CHFR: variants seen among roughly 807,000 people sequenced by gnomAD.
CHFR encodes the protein checkpoint with forkhead and ring finger domains.
In CHFR, 57 loss-of-function variants were observed where a neutral mutation model predicts 87.6. The ratio of observed to expected loss-of-function variants is 0.65; its 90% confidence interval spans 0.53 to 0.81. CHFR has a LOEUF of 0.81. Ranked by LOEUF, CHFR falls within the 30% of genes least tolerant of loss-of-function variation. CHFR has a pLI of 0.00. For synonymous variants in CHFR, 381 were observed against 359.2 expected (o/e 1.06, Z -0.69); for missense variants, 797 against 865.8 (o/e 0.92, Z 1.00).
At chr12:132,876,589 A>G (rs1477369488) in intron 3 of CHFR, among the ~76,000 whole-genome samples, 1 of 152,222 alleles carries the variant, frequency 6.6e-6, no homozygotes, top group Non-Finnish European at 1.5e-5. Flanking sequence ...TTTGAGGGAA[A>G]GAAATCAAAC....
chr12:132,862,094 GAAACCCCATCTCT>G (rs1482954922), intron 6 of CHFR, among the ~76,000 whole-genome samples: 2 of 151,800 alleles, frequency 1.3e-5, no homozygotes, highest in Admixed American at 1.3e-4. Context: ...CCAACATGGT[GAAACCCCATCTCT>G]ACTAAAAATA....
At position 132,832,362 on chromosome 12, in the gene CHFR, A is replaced by AAAT. The variant is rs1406677966; in HGVS notation, c.*9189_*9191dup. The AAAT allele has an allele frequency of 6.6e-6, 1 of 152,202 alleles. No individual in the cohort carries two copies. The highest frequency in any genetic ancestry group is 6.5e-5 in the Admixed American group (1 of 15,272). The allele number at this position is 152,202 out of a possible 1,614,324, so 9.4% of individuals were successfully genotyped here. ...TATCCTAAGGTGTAGCCAATGGGAGAAATAGGGAAAACATTTAATTAGCAT... is the reference window on the plus strand; with the variant it reads ...TATCCTAAGGTGTAGCCAATGGGAGAAATAATAGGGAAAACATTTAATTAGCAT... On this transcript the variant is annotated 3_prime_UTR_variant, in exon 18 of 18. Transcript: ENST00000450056.
At chr12:132,884,124 A>G (rs964633169) in intron 2 of CHFR, among the ~76,000 whole-genome samples, 2 of 151,972 alleles carry the variant, frequency 1.3e-5, no homozygotes, top group Non-Finnish European at 1.5e-5. Flanking sequence ...CGTCTCAAAA[A>G]ATAAATATAT....
chr12:132,840,230 G>T lies in CHFR; in HGVS notation c.*1324C>A, dbSNP rs1950685209. 1 of 152,378 alleles carries T rather than the reference G, an allele frequency of 6.6e-6. No homozygotes were observed. Among genetic ancestry groups the T allele is most frequent in the Non-Finnish European group, 1.5e-5 (1 of 68,104 alleles). The allele number at this position is 152,378 out of a possible 1,614,324, so 9.4% of individuals were successfully genotyped here. A position where few individuals can be genotyped will look rare whatever the true frequency, so the allele number is the denominator to read the frequency against. ...GCAGGTTTCACAGGAGTCACTGAGGGACAGCAGGTGACAGAGTGACCATCA... is the reference window on the plus strand; with the variant it reads ...GCAGGTTTCACAGGAGTCACTGAGGTACAGCAGGTGACAGAGTGACCATCA... On this transcript the variant is annotated 3_prime_UTR_variant, in exon 18 of 18. Coordinates refer to ENST00000450056, the MANE Select transcript of CHFR (RefSeq NM_001161346.2).
chr12:132,877,701 G>A, intron 2 of CHFR, 47 bp from the exon 3 acceptor site: 2 of 1,255,234 alleles, frequency 1.6e-6, no homozygotes, highest in South Asian at 1.3e-5. Flanking sequence ...CGTGGTAACT[G>A]TGAACACTAC....
chr12:132,859,140 G>A lies in CHFR; in HGVS notation c.839C>T (p.Ala280Val). 6.2e-7 allele frequency: 1 copy of A among 1,614,100 alleles called. No individual in the cohort carries two copies. The highest frequency in any genetic ancestry group is 8.5e-7 in the Non-Finnish European group (1 of 1,179,986). Reference protein sequence around the residue: ...QTVHEDVRAAAGKPDKMEETL... With the variant: ...QTVHEDVRAAVGKPDKMEETL... ...CTCCTCCATCTTGTCTGGCTTCCCA[G>A]CCGCTGCTCTGACGTCCTCGTGGAC... Residue 280 changes from alanine (A) to valine (V), a missense_variant, in exon 8 of 18, where the codon GCT (alanine) becomes GTT (valine). Transcript: ENST00000450056.
chr12:132,851,010 A>AGACAGGAT (rs1950931918), intron 12 of CHFR, among the ~76,000 whole-genome samples: 1 of 143,966 alleles, frequency 6.9e-6, no homozygotes, highest in African/African-American at 2.7e-5. Flanking sequence ...TTTTGTTTTG[A>AGACAGGAT]GACAGGATTT....
chr12:132,872,478 G>A (rs1218067423), intron 3 of CHFR, 84 bp from the exon 4 acceptor site: 3 of 865,664 alleles, frequency 3.5e-6, no homozygotes, highest in Admixed American at 1.9e-5. Context: ...TTAGCAAGCA[G>A]CTCGATATGA....
In CHFR at chr12:132,861,542, T is replaced by G. The variant is rs201727566; in HGVS notation, c.676A>C (p.Lys226Gln). The change falls in exon 7 of 18, where the codon AAG becomes CAG. Residue 226 changes from lysine to glutamine, a missense_variant. Physicochemically the swap from Lys to Gln is moderately conservative, Grantham distance 53. This residue lies in a region of CHFR where 597 missense variants were observed against 601.2 expected (regional missense o/e 0.99). Coordinates refer to ENST00000450056, the MANE Select transcript of CHFR (RefSeq NM_001161346.2). ...TCCAACGACGAAAAGGACGCAGTCT[T>G]TCTGTCTGGGAGAGCTGAGGCAAAG... ...SSFASALPDR[K>Q]TASFSSLEPQ... 1.9e-6 allele frequency: 3 copies of G among 1,614,216 alleles called. No homozygotes were observed. Among genetic ancestry groups the G allele is most frequent in the East Asian group, 2.2e-5 (1 of 44,882 alleles).
chr12:132,853,384 C>T (rs865808693), intron 11 of CHFR, 47 bp downstream of exon 11: 4 of 1,451,016 alleles, frequency 2.8e-6, no homozygotes, highest in Non-Finnish European at 3.6e-6. Flanking sequence ...GGCACAGCCA[C>T]AAAGTGACTC....
chr12:132,866,519 G>A (rs561632913), intron 6 of CHFR: 2 of 151,472 alleles, frequency 1.3e-5, no homozygotes, highest in East Asian at 3.9e-4. Context: ...ACAACACACT[G>A]GAATGTTACA....
intron 13 of CHFR, chr12:132,848,357 C>T (rs1593452388): frequency 2.0e-6 from 2 of 984,982 alleles, no homozygotes; most frequent in African/African-American, 1.6e-5. Flanking sequence ...ATCAGCTCTC[C>T]GAGTCTCCCC....
intron 15 of CHFR, among the ~76,000 whole-genome samples, chr12:132,846,263 CTTTT>C (rs10573381): frequency 3.1e-5 from 4 of 127,862 alleles, no homozygotes; most frequent in Admixed American, 1.7e-4. Context: ...GCTTAACTGT[CTTTT>C]TTTTTTTTTT....
intron 3 of CHFR, 21 bp from the exon 4 acceptor site, chr12:132,872,415 A>C (rs778361905): frequency 2.6e-6 from 4 of 1,549,894 alleles, no homozygotes; most frequent in Non-Finnish European, 2.7e-6. Flanking sequence ...ACAAAAACAC[A>C]ATTTATTCTA....
chr12:132,887,041 C>A (rs552565335), intron 2 of CHFR, among the ~76,000 whole-genome samples, 155 bp downstream of exon 2: 35 of 152,332 alleles, frequency 2.3e-4, no homozygotes, highest in African/African-American at 7.9e-4. Context: ...GCGCAAGAAT[C>A]GGTGGGCAGA....
rs1385963870 is a variant in CHFR at position 132,838,624 on chromosome 12, G to A, written c.*2930C>T. ...GTCCCAAGGCTGGGCCAAGGAGCCAGGAAGAAGCAGTGGGATCTGCAGCAG... is the reference window on the plus strand; with the variant it reads ...GTCCCAAGGCTGGGCCAAGGAGCCAAGAAGAAGCAGTGGGATCTGCAGCAG... On this transcript the variant is annotated 3_prime_UTR_variant, in exon 18 of 18. Coordinates refer to ENST00000450056, the MANE Select transcript of CHFR (RefSeq NM_001161346.2). 1 of 152,446 alleles carries A rather than the reference G, an allele frequency of 6.6e-6. No homozygotes were observed. Among genetic ancestry groups the A allele is most frequent in the South Asian group, 2.1e-4 (1 of 4,832 alleles). The allele number at this position is 152,446 out of a possible 1,614,324, so 9.4% of individuals were successfully genotyped here.
chr12:132,876,566 A>C (rs1391127611), intron 3 of CHFR, among the ~76,000 whole-genome samples: 2 of 152,228 alleles, frequency 1.3e-5, no homozygotes, highest in Admixed American at 1.3e-4. Flanking sequence ...AGTTTTAAAA[A>C]ATGATTTTTT....
chr12:132,878,560 G>A (rs1951686522), intron 2 of CHFR, among the ~76,000 whole-genome samples: 1 of 151,648 alleles, frequency 6.6e-6, no homozygotes, highest in East Asian at 2.0e-4. Flanking sequence ...AACTCAGGGG[G>A]TTGGCTAGGT....
At chr12:132,876,109 G>A (rs539637783) in intron 3 of CHFR, among the ~76,000 whole-genome samples, 1 of 151,718 alleles carries the variant, frequency 6.6e-6, no homozygotes, top group East Asian at 1.9e-4. Context: ...CTGGGAGTCG[G>A]AGGTCGCAGT....
Sources: allele counts gnomAD v4.1 joint callset (sites outside exome capture counted in the v4.1 genomes callset), GRCh38; gene constraint gnomAD v4.1.1; regional missense constraint gnomAD v4.1.1; transcripts MANE v1.5; gene names NCBI Gene and HGNC (gene_info 2026-07-23, HGNC 2026-07-21).